Variants in HMGXB3 observed in about 807,000 individuals in gnomAD.
HMGXB3 encodes HMG domain-containing protein 3.
HMGXB3 carries 45 observed loss-of-function variants against 121.5 expected under a neutral mutation model. That is an observed-to-expected ratio of 0.37 (90% CI 0.29 to 0.47). HMGXB3 has a LOEUF of 0.47. Among genes scored for constraint, HMGXB3 ranks in the 20% least tolerant of loss-of-function variants. HMGXB3 has a pLI of 0.99. For synonymous variants in HMGXB3, 590 were observed against 624.1 expected (o/e 0.95, Z 0.81); for missense variants, 1,376 against 1,602.2 (o/e 0.86, Z 2.41).
intron 2 of HMGXB3, among the ~76,000 whole-genome samples, chr5:150,006,239 C>G (rs1296798066): frequency 6.6e-6 from 1 of 152,088 alleles, no homozygotes; most frequent in Non-Finnish European, 1.5e-5. Flanking sequence ...TATTATAACA[C>G]CATCTGAGGA....
chr5:150,041,695 G>A, intron 14 of HMGXB3, 90 bp from the exon 15 acceptor site: 1 of 907,010 alleles, frequency 1.1e-6, no homozygotes, highest in Non-Finnish European at 1.7e-6. Context: ...CAGTCTGGCA[G>A]AATTGCTCTA....
intron 7 of HMGXB3, among the ~76,000 whole-genome samples, 181 bp downstream of exon 7, chr5:150,024,861 T>C (rs1481741597): frequency 6.6e-6 from 1 of 152,232 alleles, no homozygotes; most frequent in African/African-American, 2.4e-5. Flanking sequence ...ACTCTGCTAT[T>C]CATGTACTGC....
intron 15 of HMGXB3, 45 bp downstream of exon 15, chr5:150,042,014 A>C: frequency 5.0e-4 from 747 of 1,483,188 alleles, no homozygotes; most frequent in Non-Finnish European, 6.2e-4. Context: ...GAATTTTCTC[A>C]TTTTGGCACC....
chr5:150,027,418 C>T (rs1450491823), intron 9 of HMGXB3, among the ~76,000 whole-genome samples: 1 of 152,104 alleles, frequency 6.6e-6, no homozygotes, highest in African/African-American at 2.4e-5. Flanking sequence ...TGTATTAGCC[C>T]ATTTTGCTTT....
chr5:150,004,052 T>C, intron 1 of HMGXB3, among the ~76,000 whole-genome samples: 1 of 151,968 alleles, frequency 6.6e-6, no homozygotes, highest in Non-Finnish European at 1.5e-5. Flanking sequence ...ATTTTTTTAA[T>C]AGAGATGGGG....
chr5:150,051,037 T>TA (rs1464904344), intron 19 of HMGXB3, among the ~76,000 whole-genome samples: 5 of 152,208 alleles, frequency 3.3e-5, no homozygotes, highest in African/African-American at 9.7e-5. Context: ...GATCTGAAGA[T>TA]ACACTGGTTT....
At chr5:150,009,491 A>G (rs563368054) in intron 3 of HMGXB3, among the ~76,000 whole-genome samples, 1 of 152,270 alleles carries the variant, frequency 6.6e-6, no homozygotes, top group East Asian at 1.9e-4. Context: ...ACTTTCTGTC[A>G]CGAAGCCTTC....
chr5:150,028,341 T>C (rs1756280548), intron 9 of HMGXB3, among the ~76,000 whole-genome samples: 1 of 151,234 alleles, frequency 6.6e-6, no homozygotes, highest in Admixed American at 6.6e-5. Context: ...AGTTCCCAGC[T>C]TGACTTTTCC....
At position 150,048,587 on chromosome 5, in the gene HMGXB3, T is replaced by G; in HGVS notation, c.3103T>G (p.Leu1035Val). 3 of 1,551,932 alleles carry G rather than the reference T, an allele frequency of 1.9e-6. No individual in the cohort carries two copies. Among genetic ancestry groups the G allele is most frequent in the Non-Finnish European group, 2.6e-6 (3 of 1,146,866 alleles). ...ACTCCAGGACCAGCTCTGCTTCTCC[T>G]TGTTGGCCCTCTACGAATCTGTACA... ...EDSKDQLCFS[L>V]LALYESVQNG... The change falls in exon 18 of 20, where the codon TTG (leucine) becomes GTG (valine). Residue 1035 changes from leucine to valine, a missense_variant. Transcript: ENST00000502717.
intron 18 of HMGXB3, among the ~76,000 whole-genome samples, chr5:150,049,492 C>T (rs1350344858): frequency 6.6e-6 from 1 of 152,076 alleles, no homozygotes; most frequent in African/African-American, 2.4e-5. Context: ...GCAGGGGGAT[C>T]TAGCTGTAAA....
intron 7 of HMGXB3, among the ~76,000 whole-genome samples, chr5:150,026,176 G>A (rs771165727): frequency 9.2e-5 from 14 of 152,094 alleles, no homozygotes; most frequent in South Asian, 2.1e-4. Context: ...ATACTTTGGC[G>A]ATGGTTTTGT....
chr5:150,051,612 T>G, intron 19 of HMGXB3, 113 bp from the exon 20 acceptor site: 1 of 839,532 alleles, frequency 1.2e-6, no homozygotes, highest in African/African-American at 1.7e-5. Flanking sequence ...ACACAGTACA[T>G]GGTGATGTTA....
At chr5:150,043,689 C>CT (rs1247942791) in intron 15 of HMGXB3, among the ~76,000 whole-genome samples, 1 of 152,146 alleles carries the variant, frequency 6.6e-6, no homozygotes, top group Non-Finnish European at 1.5e-5. Context: ...CATTTTATTA[C>CT]TATGCCAAGT....
intron 16 of HMGXB3, among the ~76,000 whole-genome samples, chr5:150,046,719 G>A (rs1366139305): frequency 5.3e-5 from 8 of 151,996 alleles, no homozygotes; most frequent in African/African-American, 1.9e-4. Flanking sequence ...GGCTGAGGCA[G>A]GAGAATGGCG....
At chr5:150,039,588 T>C (rs1325588933) in intron 13 of HMGXB3, among the ~76,000 whole-genome samples, 1 of 152,100 alleles carries the variant, frequency 6.6e-6, no homozygotes. Flanking sequence ...CCTTTATGGG[T>C]TTTTTTCTAT....
At position 150,026,838 on chromosome 5, in the gene HMGXB3, C is replaced by A; in HGVS notation, c.1593C>A (p.Ser531Arg). ...CCCCAGTTAACGTGGGGCGAGGCAGCAGCATGGGACTGCCCAGGGCCAGGC... is the reference window on the plus strand; with the variant it reads ...CCCCAGTTAACGTGGGGCGAGGCAGAAGCATGGGACTGCCCAGGGCCAGGC... ...LPAPVNVGRG[S>R]SMGLPRARQA... The change falls in exon 8 of 20, where the codon AGC (serine) becomes AGA (arginine). Residue 531 changes from serine (S) to arginine (R), a missense_variant. Physicochemically the swap from Ser to Arg is moderately radical, Grantham distance 110. This residue lies in a region of HMGXB3 where 1,116 missense variants were observed against 1,369.0 expected (regional missense o/e 0.82). Coordinates refer to ENST00000502717, the MANE Select transcript of HMGXB3 (RefSeq NM_014983.3). 1 of 1,537,066 alleles carries A rather than the reference C, an allele frequency of 6.5e-7. No individual in the cohort carries two copies. The highest frequency in any genetic ancestry group is 8.8e-7 in the Non-Finnish European group (1 of 1,140,418).
At chr5:150,043,082 T>A (rs1210472640) in intron 15 of HMGXB3, among the ~76,000 whole-genome samples, 1 of 152,216 alleles carries the variant, frequency 6.6e-6, no homozygotes, top group South Asian at 2.1e-4. Flanking sequence ...GTAGGAAATA[T>A]GTTAATGTAA....
rs541046838 is a variant in HMGXB3, at chr5:150,043,207, C to G, written c.2730+1238C>G. On this transcript the variant is annotated intron_variant, in intron 15 of 19. Coordinates refer to ENST00000502717, the MANE Select transcript of HMGXB3 (RefSeq NM_014983.3). Reference sequence around the variant, plus strand: ...CCCATATTTATGATAAAACTTTTAGCAAACAGAACAGTAGGAAATCTTCCT... The same window carrying G: ...CCCATATTTATGATAAAACTTTTAGGAAACAGAACAGTAGGAAATCTTCCT... 2.7e-4 allele frequency among the ~76,000 whole-genome samples: 41 copies of G among 152,246 alleles called. 1 individual carries two copies. The highest frequency in any genetic ancestry group is 1.3e-4 in the Non-Finnish European group (9 of 68,004).
intron 15 of HMGXB3, among the ~76,000 whole-genome samples, chr5:150,043,166 C>T (rs1420225078): frequency 1.3e-5 from 2 of 152,128 alleles, no homozygotes; most frequent in Non-Finnish European, 2.9e-5. Context: ...AAAAAGTTGT[C>T]CAGTATGATT....
Sources: allele counts gnomAD v4.1 joint callset (sites outside exome capture counted in the v4.1 genomes callset), GRCh38; gene constraint gnomAD v4.1.1; regional missense constraint gnomAD v4.1.1; transcripts MANE v1.5; gene names NCBI Gene and HGNC (gene_info 2026-07-23, HGNC 2026-07-21).